The following RNMT variants were observed in gnomAD, a reference collection of about 807,000 sequenced individuals.
RNMT encodes mRNA cap guanine-N(7) methyltransferase.
In RNMT, 27 loss-of-function variants were observed where a neutral mutation model predicts 56.0. That is an observed-to-expected ratio of 0.48 (90% CI 0.36 to 0.67). The LOEUF (loss-of-function observed/expected upper bound fraction) is 0.67, where lower values mean the gene tolerates loss of function less well. Among genes scored for constraint, RNMT ranks in the 30% least tolerant of loss-of-function variants. The pLI is 0.00. For missense variants in RNMT, 519 were observed against 552.1 expected (o/e 0.94, Z 0.60); for synonymous variants, 184 against 176.2 (o/e 1.04, Z -0.35).
intron 11 of RNMT, among the ~76,000 whole-genome samples, chr18:13,754,614 C>A (rs1308567617): frequency 6.6e-6 from 1 of 152,220 alleles, no homozygotes; most frequent in African/African-American, 2.4e-5. Context: ...CTTTCTTGCA[C>A]AGCTGTGTAG....
intron 1 of RNMT, among the ~76,000 whole-genome samples, chr18:13,728,330 T>TTG (rs1212860122): frequency 0.065 from 1,380 of 21,140 alleles, 19 homozygotes; most frequent in Non-Finnish European, 0.078. Context: ...TTTTTTTTTT[T>TTG]TGTGTGTGTG....
At chr18:13,728,525 G>A (rs1363153256) in intron 1 of RNMT, among the ~76,000 whole-genome samples, 1 of 151,502 alleles carries the variant, frequency 6.6e-6, no homozygotes, top group African/African-American at 2.4e-5. Flanking sequence ...TGGTAGAGAC[G>A]GGGTTTCACT....
chr18:13,741,026 C>CATTGACTT (rs2044243188), intron 6 of RNMT, among the ~76,000 whole-genome samples: 1 of 152,186 alleles, frequency 6.6e-6, no homozygotes, highest in Admixed American at 6.5e-5. Flanking sequence ...TTTTGTTCTT[C>CATTGACTT]ATTGACTTAT....
Position 13,730,713 on chromosome 18 carries a change from T to C in RNMT, c.-85T>C, listed in dbSNP as rs1410912569. ...ACCTCATTTCCTGTTTCACCTTGATTTTCTGTGATACCAAAATCTCAGCTT... is the reference window on the plus strand; with the variant it reads ...ACCTCATTTCCTGTTTCACCTTGATCTTCTGTGATACCAAAATCTCAGCTT... On this transcript the variant is annotated 5_prime_UTR_variant, in exon 2 of 12. Transcript: ENST00000383314. 1 of 152,260 alleles carries C rather than the reference T, an allele frequency of 6.6e-6. No individual in the cohort carries two copies. The highest frequency in any genetic ancestry group is 1.5e-5 in the Non-Finnish European group (1 of 68,060). 9.4% of individuals were successfully genotyped at this position (152,260 alleles called of 1,614,324 possible).
chr18:13,733,322 C>T (rs2044105272), intron 3 of RNMT, among the ~76,000 whole-genome samples: 1 of 152,104 alleles, frequency 6.6e-6, no homozygotes, highest in African/African-American at 2.4e-5. Context: ...TTACATGTAA[C>T]ATATATAATA....
chr18:13,749,221 G>T (rs1427111086), intron 9 of RNMT, among the ~76,000 whole-genome samples: 1 of 152,178 alleles, frequency 6.6e-6, no homozygotes, highest in Non-Finnish European at 1.5e-5. Flanking sequence ...ATAAGTTGAA[G>T]AACAAGTTTA....
At chr18:13,749,035 C>G (rs1231557163) in intron 9 of RNMT, among the ~76,000 whole-genome samples, 1 of 152,102 alleles carries the variant, frequency 6.6e-6, no homozygotes, top group Admixed American at 6.5e-5. Flanking sequence ...GCGAAGATCA[C>G]GCCACTGCAC....
chr18:13,737,836 C>T (rs1602007037), intron 5 of RNMT, among the ~76,000 whole-genome samples: 1 of 148,846 alleles, frequency 6.7e-6, no homozygotes. Flanking sequence ...CATTTGTAAT[C>T]AGATGGTTGA....
rs2044612177 is a variant in RNMT, at chr18:13,760,957, T to A, written c.*978T>A. 3 of 985,364 alleles carry A rather than the reference T, an allele frequency of 3.0e-6. No individual in the cohort carries two copies. The allele number at this position is 985,364 out of a possible 1,614,324, so 61.0% of individuals were successfully genotyped here. Reference sequence around the variant, plus strand: ...TGCTTTTCCAAAACTGGTACTTATGTGAACTGTTGTCCTTGCTTTACACCA... The same window carrying A: ...TGCTTTTCCAAAACTGGTACTTATGAGAACTGTTGTCCTTGCTTTACACCA... On this transcript the variant is annotated 3_prime_UTR_variant, in exon 12 of 12. Transcript: ENST00000383314.
chr18:13,746,129 T>G, intron 8 of RNMT, 91 bp from the exon 9 acceptor site: 1 of 686,502 alleles, frequency 1.5e-6, no homozygotes, highest in Non-Finnish European at 2.6e-6. Flanking sequence ...CTTTTTTAGT[T>G]AAGTCCAGAA....
At position 13,734,548 on chromosome 18, in the gene RNMT, C is replaced by A. The variant is rs948255458; in HGVS notation, c.502C>A (p.Arg168Ser). The stretch of plus-strand genomic sequence containing the variant: ...TGGTTTGGAGAAGCGTAGTCAAAGT[C>A]GTATTTTTTACCTAAGAAACTTTAA... ...EVGLEKRSQS[R>S]IFYLRNFNNW... Residue 168 changes from arginine (R) to serine (S), a missense_variant, in exon 4 of 12, where the codon CGT becomes AGT. Physicochemically the swap from Arg to Ser is moderately radical, Grantham distance 110. Transcript: ENST00000383314. 1.9e-6 allele frequency: 3 copies of A among 1,613,196 alleles called. No individual in the cohort carries two copies. Among genetic ancestry groups the A allele is most frequent in the Non-Finnish European group, 8.5e-7 (1 of 1,179,482 alleles).
At chr18:13,729,359 CATG>C (rs532396341) in intron 1 of RNMT, among the ~76,000 whole-genome samples, 2 of 152,308 alleles carry the variant, frequency 1.3e-5, no homozygotes, top group South Asian at 4.1e-4. Flanking sequence ...TCTGTGATAT[CATG>C]AAAGTGACAT....
At chr18:13,741,186 T>C (rs2044245508) in intron 6 of RNMT, among the ~76,000 whole-genome samples, 1 of 97,310 alleles carries the variant, frequency 1.0e-5, no homozygotes, top group Non-Finnish European at 2.1e-5. Context: ...ACGCCAGATG[T>C]TTTTTAACTC....
In RNMT at chr18:13,737,001, C is replaced by T. The variant is rs1402362626; in HGVS notation, c.554-9C>T. 2 of 1,609,708 alleles carry T rather than the reference C, an allele frequency of 1.2e-6. No homozygotes were observed. Among genetic ancestry groups the T allele is most frequent in the Non-Finnish European group, 1.7e-6 (2 of 1,177,998 alleles). On this transcript the variant is annotated splice_polypyrimidine_tract_variant and intron_variant, in intron 4 of 11. Transcript: ENST00000383314. ...AGGTAGTTTATTGTGACTGATTTCT[C>T]TCTTTTAGGAGAATTTTTGGAAAAG...
intron 1 of RNMT, among the ~76,000 whole-genome samples, chr18:13,729,520 A>G (rs1382277818): frequency 1.3e-5 from 2 of 152,234 alleles, no homozygotes; most frequent in Non-Finnish European, 2.9e-5. Flanking sequence ...ATAAGTTGGT[A>G]TCCAGTTTTT....
chr18:13,741,375 G>A (rs2044248198), intron 6 of RNMT, 135 bp from the exon 7 acceptor site: 1 of 569,196 alleles, frequency 1.8e-6, no homozygotes, highest in Non-Finnish European at 3.1e-6. Context: ...CATGATTTCT[G>A]TGTGTCCTTT....
intron 1 of RNMT, among the ~76,000 whole-genome samples, chr18:13,728,146 ACTCAT>A (rs554360774): frequency 1.0e-3 from 158 of 152,024 alleles, no homozygotes; most frequent in African/African-American, 3.7e-3. Flanking sequence ...TATAGAAGAA[ACTCAT>A]CTCAATAGCA....
intron 11 of RNMT, among the ~76,000 whole-genome samples, chr18:13,756,983 CT>C (rs1215093865): frequency 6.6e-6 from 1 of 152,142 alleles, no homozygotes; most frequent in Non-Finnish European, 1.5e-5. Flanking sequence ...ACAGGCATAC[CT>C]TGGAGATACT....
In RNMT at chr18:13,762,194, TTGG is replaced by T; in HGVS notation, c.*2219_*2221del. The stretch of plus-strand genomic sequence containing the variant: ...TTGGAAATGAAGACCTAACCAGCTA[TTGG>T]TGGGAATGACGGAACTGGGGATTGC... On this transcript the variant is annotated 3_prime_UTR_variant, in exon 12 of 12. Coordinates refer to ENST00000383314, the MANE Select transcript of RNMT (RefSeq NM_003799.3). The T allele has an allele frequency of 6.6e-7, 1 of 1,504,862 alleles. No homozygotes were observed. Among genetic ancestry groups the T allele is most frequent in the Non-Finnish European group, 8.8e-7 (1 of 1,131,806 alleles). The allele number at this position is 1,504,862 out of a possible 1,614,324, so 93.2% of individuals were successfully genotyped here. A position where few individuals can be genotyped will look rare whatever the true frequency, so the allele number is the denominator to read the frequency against.
Sources: gnomAD v4.1 joint callset for allele counts (sites outside exome capture counted in the v4.1 genomes callset) on GRCh38, gnomAD v4.1.1 for gene constraint, MANE v1.5 for transcripts, NCBI Gene and HGNC (gene_info 2026-07-23, HGNC 2026-07-21) for gene names.